The following CPAMD8 variants were observed in gnomAD, a reference collection of about 807,000 sequenced individuals.
CPAMD8 encodes the protein C3 and PZP-like alpha-2-macroglobulin domain-containing protein 8.
CPAMD8 carries 146 observed loss-of-function variants against 224.7 expected under a neutral mutation model. The ratio of observed to expected loss-of-function variants is 0.65; its 90% CI spans 0.57 to 0.75. CPAMD8 has a LOEUF of 0.75. Among genes scored for constraint, CPAMD8 ranks in the 30% least tolerant of loss-of-function variants. The probability of loss-of-function intolerance (pLI) is 0.00; values close to 1 mark genes in which losing one functional copy is unlikely to be tolerated. For synonymous variants in CPAMD8, 966 were observed against 1,044.6 expected (o/e 0.92, Z 1.45); for missense variants, 2,301 against 2,537.5 (o/e 0.91, Z 2.00).
chr19:16,904,500 T>C lies in CPAMD8; in HGVS notation c.4080A>G (p.Thr1360=). The change falls in exon 31 of 42, where the codon ACA becomes ACG. Residue 1360 remains threonine, a synonymous_variant. Coordinates refer to ENST00000443236, the MANE Select transcript of CPAMD8 (RefSeq NM_015692.5). ...LSNSWDVDKG[T]FLSFSDRVSQ... Reference sequence around the variant, plus strand: ...AGACCCTGTCACTGAAGCTCAAGAATGTGCCCTTGTCCACGTCCCAGGAAT... The same window carrying C: ...AGACCCTGTCACTGAAGCTCAAGAACGTGCCCTTGTCCACGTCCCAGGAAT... 1.2e-6 allele frequency: 2 copies of C among 1,614,174 alleles called. No homozygotes were observed. The highest frequency in any genetic ancestry group is 1.7e-6 in the Non-Finnish European group (2 of 1,180,000).
chr19:16,895,889 G>A (rs2981473), intron 41 of CPAMD8: 9 of 545,174 alleles, frequency 1.7e-5, no homozygotes, highest in East Asian at 1.2e-4. Context: ...CCGTATGCGC[G>A]CGCGCGCGCG....
At chr19:16,962,356 T>C (rs2054685524) in intron 18 of CPAMD8, among the ~76,000 whole-genome samples, 1 of 152,132 alleles carries the variant, frequency 6.6e-6, no homozygotes, top group Admixed American at 6.6e-5. Context: ...AATGACCTGA[T>C]GGAGCTGAAA....
At position 16,939,882 on chromosome 19, in the gene CPAMD8, G is replaced by C. The variant is rs139382819; in HGVS notation, c.2794-1436C>G. ...TTACTGGGTCTTTAGCTTTTTTGTT[G>C]TTGTTGTTGTTGTTTTGGGTTTTTT... On this transcript the variant is annotated intron_variant, in intron 22 of 41. Transcript: ENST00000443236. Among the ~76,000 whole-genome samples, 1,507 of 151,838 alleles carry C rather than the reference G, an allele frequency of 9.9e-3. 14 individuals are homozygous for C. Among genetic ancestry groups the C allele is most frequent in the Middle Eastern group, 0.024 (7 of 294 alleles).
intron 3 of CPAMD8, among the ~76,000 whole-genome samples, chr19:17,015,945 C>G (rs2056800286): frequency 6.6e-6 from 1 of 152,150 alleles, no homozygotes; most frequent in South Asian, 2.1e-4. Context: ...GGACCTCCAG[C>G]CTTCTTTCCG....
intron 18 of CPAMD8, among the ~76,000 whole-genome samples, chr19:16,959,443 G>GGGA (rs2054579178): frequency 6.6e-6 from 1 of 152,070 alleles, no homozygotes; most frequent in African/African-American, 2.4e-5. Context: ...CCAAAGTGCT[G>GGGA]GGATTACAGG....
At chr19:16,977,259 T>C in intron 15 of CPAMD8, 109 bp downstream of exon 15, 4 of 707,258 alleles carry the variant, frequency 5.7e-6, no homozygotes, top group Non-Finnish European at 7.4e-6. Flanking sequence ...CCTTACATCA[T>C]GCTGCGACAC....
In CPAMD8 at chr19:16,989,727, G is replaced by A; in HGVS notation, c.1311C>T (p.Tyr437=). ...ALNGKPVGAQ[Y]LPSYLSLGSW... ...TGCCGAGGGAGAGGTAGCTGGGCAG[G>A]TACTGAGCCCCCACAGGCTTCCCGT... Residue 437 remains tyrosine, a synonymous_variant, in exon 13 of 42, where the codon TAC becomes TAT. Transcript: ENST00000443236. 6.2e-7 allele frequency: 1 copy of A among 1,613,972 alleles called. No homozygotes were observed. Among genetic ancestry groups the A allele is most frequent in the Non-Finnish European group, 8.5e-7 (1 of 1,179,906 alleles).
At chr19:17,001,378 C>A (rs527971210) in intron 9 of CPAMD8, among the ~76,000 whole-genome samples, 1 of 106,960 alleles carries the variant, frequency 9.3e-6, no homozygotes, top group African/African-American at 3.9e-5. Context: ...AGCACACTGG[C>A]GGGGGTGCTG....
chr19:16,956,021 G>A (rs2054462190), intron 19 of CPAMD8, among the ~76,000 whole-genome samples: 1 of 152,032 alleles, frequency 6.6e-6, no homozygotes, highest in Admixed American at 6.6e-5. Context: ...GTCCTCTTTT[G>A]GGTCCAGCAG....
chr19:16,980,668 A>G lies in CPAMD8; in HGVS notation c.1414T>C (p.Phe472Leu). ...HPLQVGEEAY[F>L]SVKSTCPCNF... ...CAGGGACATGTGGACTTCACAGAAAAATAGGCTTCTTCCCCAACCTATGGA... is the reference window on the plus strand; with the variant it reads ...CAGGGACATGTGGACTTCACAGAAAGATAGGCTTCTTCCCCAACCTATGGA... Residue 472 changes from phenylalanine to leucine, a missense_variant, in exon 14 of 42, where the codon TTT (phenylalanine) becomes CTT (leucine). Transcript: ENST00000443236. 6.5e-7 allele frequency: 1 copy of G among 1,549,798 alleles called. No individual in the cohort carries two copies. Among genetic ancestry groups the G allele is most frequent in the Non-Finnish European group, 8.7e-7 (1 of 1,149,258 alleles).
chr19:16,979,586 C>A (rs1482334773), intron 14 of CPAMD8, among the ~76,000 whole-genome samples: 1 of 151,420 alleles, frequency 6.6e-6, no homozygotes, highest in Admixed American at 6.6e-5. Context: ...ATCCTTCCAT[C>A]TATCCACTGT....
chr19:16,951,840 T>A, intron 20 of CPAMD8, 129 bp downstream of exon 20: 4 of 644,510 alleles, frequency 6.2e-6, no homozygotes, highest in Non-Finnish European at 5.5e-6. Context: ...CTCCTCAACA[T>A]CATAGAGGCT....
chr19:16,929,728 A>G (rs2053490644), intron 23 of CPAMD8, among the ~76,000 whole-genome samples: 1 of 152,160 alleles, frequency 6.6e-6, no homozygotes, highest in Admixed American at 6.6e-5. Context: ...AAACAAAAAG[A>G]TAAGATGCTC....
chr19:16,947,032 G>A, intron 21 of CPAMD8, 42 bp downstream of exon 21: 1 of 1,545,868 alleles, frequency 6.5e-7, no homozygotes. Context: ...CACTTTTGTG[G>A]CCTGGAGAGG....
At chr19:16,906,702 T>TTTTTG (rs1011933797) in intron 30 of CPAMD8, among the ~76,000 whole-genome samples, 94 of 151,890 alleles carry the variant, frequency 6.2e-4, no homozygotes, top group African/African-American at 2.1e-3. Context: ...ACTCATCAGT[T>TTTTTG]TTTTGTTTTG....
At chr19:16,896,692 C>A in intron 39 of CPAMD8, 27 bp from the exon 40 acceptor site, 14 of 1,378,038 alleles carry the variant, frequency 1.0e-5, no homozygotes, top group Non-Finnish European at 1.2e-5. Flanking sequence ...GCTCGACAGA[C>A]CCCCCACCCT....
chr19:16,975,571 G>C (rs1240858731), intron 16 of CPAMD8, among the ~76,000 whole-genome samples: 1 of 152,142 alleles, frequency 6.6e-6, no homozygotes, highest in Non-Finnish European at 1.5e-5. Context: ...AGCCAGGCGT[G>C]GTGGTGCATG....
intron 6 of CPAMD8, 84 bp downstream of exon 6, chr19:17,009,219 A>G: frequency 6.2e-7 from 1 of 1,610,848 alleles, no homozygotes; most frequent in Non-Finnish European, 8.5e-7. Flanking sequence ...GAAGGCAGAC[A>G]GTGAGCGAAG....
chr19:16,907,133 G>T lies in CPAMD8; in HGVS notation c.3862-16C>A. On this transcript the variant is annotated splice_polypyrimidine_tract_variant and intron_variant, in intron 29 of 41. Transcript: ENST00000443236. ...CTCTCTCCTCCTGCAGGGTGGGGTG[G>T]GAAGGTGAAACCTGGGAGGCTGCTC... is the stretch of plus-strand genomic sequence containing the variant. 1 of 1,532,868 alleles carries T rather than the reference G, an allele frequency of 6.5e-7. No homozygotes were observed. Among genetic ancestry groups the T allele is most frequent in the Non-Finnish European group, 8.8e-7 (1 of 1,140,454 alleles). 95.0% of individuals were successfully genotyped at this position (1,532,868 alleles called of 1,614,324 possible). A position where few individuals can be genotyped will look rare whatever the true frequency, so the allele number is the denominator to read the frequency against.
Sources: allele counts gnomAD v4.1 joint callset (sites outside exome capture counted in the v4.1 genomes callset), GRCh38; gene constraint gnomAD v4.1.1; transcripts MANE v1.5; gene names NCBI Gene and HGNC (gene_info 2026-07-23, HGNC 2026-07-21).